IQSEC1: variants seen among roughly 807,000 people sequenced by gnomAD.
IQSEC1 encodes the protein IQ motif and SEC7 domain-containing protein 1.
A neutral mutation model predicts 91.0 loss-of-function variants in IQSEC1; 31 were observed. That is an observed-to-expected ratio of 0.34 (90% CI 0.26 to 0.46). The LOEUF is 0.46. Among genes scored for constraint, IQSEC1 ranks in the 20% least tolerant of loss-of-function variants. The pLI is 1.00. For synonymous variants in IQSEC1, 699 were observed against 662.6 expected (o/e 1.05, Z -0.84); for missense variants, 1,388 against 1,575.6 (o/e 0.88, Z 2.02).
intron 1 of IQSEC1, among the ~76,000 whole-genome samples, chr3:12,989,114 TG>T (rs1456110118): frequency 1.3e-5 from 2 of 152,228 alleles, no homozygotes; most frequent in Admixed American, 1.3e-4. Context: ...CTGGAGCAGA[TG>T]GGTTGATTTT....
intron 1 of IQSEC1, among the ~76,000 whole-genome samples, chr3:12,978,762 C>T (rs1469034334): frequency 6.6e-6 from 1 of 151,896 alleles, no homozygotes; most frequent in Non-Finnish European, 1.5e-5. Context: ...CCACTAAAGC[C>T]ACTAAATGCA....
chr3:13,030,309 C>A (rs140761188), intron 1 of IQSEC1, among the ~76,000 whole-genome samples: 6 of 152,290 alleles, frequency 3.9e-5, no homozygotes, highest in African/African-American at 1.4e-4. Context: ...ATCCGCCAGG[C>A]TGGTCTCGAA....
intron 1 of IQSEC1, among the ~76,000 whole-genome samples, chr3:13,174,196 G>C (rs1260293246): frequency 6.6e-6 from 1 of 152,180 alleles, no homozygotes; most frequent in Non-Finnish European, 1.5e-5. Flanking sequence ...AGCAGGTGAG[G>C]GGACTGGGGG....
chr3:13,149,039 C>T (rs2124954892), intron 2 of IQSEC1, among the ~76,000 whole-genome samples: 1 of 152,368 alleles, frequency 6.6e-6, no homozygotes, highest in Non-Finnish European at 1.5e-5. Flanking sequence ...TCCAATGCTG[C>T]CCCTCACCAC....
intron 1 of IQSEC1, among the ~76,000 whole-genome samples, chr3:13,050,541 AC>A (rs1704656845): frequency 6.6e-6 from 1 of 152,228 alleles, no homozygotes. Flanking sequence ...CATTACATAG[AC>A]TAGTGTATGT....
At chr3:13,029,044 G>C (rs1243749998) in intron 1 of IQSEC1, among the ~76,000 whole-genome samples, 1 of 152,222 alleles carries the variant, frequency 6.6e-6, no homozygotes, top group African/African-American at 2.4e-5. Context: ...GAAACAAATG[G>C]AAGGAGCTAA....
At chr3:13,024,356 TACAC>T (rs1308333484) in intron 1 of IQSEC1, among the ~76,000 whole-genome samples, 67 of 144,860 alleles carry the variant, frequency 4.6e-4, no homozygotes, top group South Asian at 2.3e-4. Flanking sequence ...CACCCGCACA[TACAC>T]CCATCCATCA....
At chr3:13,152,010 G>A (rs1045857503) in intron 2 of IQSEC1, among the ~76,000 whole-genome samples, 3 of 152,048 alleles carry the variant, frequency 2.0e-5, no homozygotes, top group African/African-American at 7.2e-5. Flanking sequence ...CAAAAAAAGA[G>A]AGAGTTCTAT....
intron 1 of IQSEC1, among the ~76,000 whole-genome samples, chr3:12,972,934 G>A (rs2125550115): frequency 6.6e-6 from 1 of 152,320 alleles, no homozygotes; most frequent in Middle Eastern, 3.4e-3. Flanking sequence ...GCACCTCAGG[G>A]AAGCCAGCCC....
At chr3:13,180,565 C>T (rs955863380) in intron 1 of IQSEC1, among the ~76,000 whole-genome samples, 12 of 152,084 alleles carry the variant, frequency 7.9e-5, no homozygotes, top group African/African-American at 1.2e-4. Flanking sequence ...AGTGGCAACC[C>T]GCTGGGGTCC....
chr3:13,109,354 T>G (rs933665873), intron 2 of IQSEC1, among the ~76,000 whole-genome samples: 2 of 152,064 alleles, frequency 1.3e-5, no homozygotes, highest in African/African-American at 4.8e-5. Context: ...TACCAGCCAA[T>G]CTGGGTGGTG....
chr3:12,908,389 G>A lies in IQSEC1; in HGVS notation c.2715C>T (p.Arg905=). 1.2e-6 allele frequency: 2 copies of A among 1,612,578 alleles called. No homozygotes were observed. Among genetic ancestry groups the A allele is most frequent in the Non-Finnish European group, 8.5e-7 (1 of 1,180,024 alleles). ...CCCGCAGGGAGCTGCTGAGGGCGCT[G>A]CGCTTGAGGCCCTCACCGCTGGCAT... ...DSYASGEGLK[R]SALSSSLRDL... Residue 905 remains arginine (R), a synonymous_variant, in exon 12 of 14, where the codon CGC becomes CGT. Transcript: ENST00000613206. The surrounding 1 kb of genome is among the most constrained non-coding windows in gnomAD (Gnocchi z 4.9).
intron 2 of IQSEC1, among the ~76,000 whole-genome samples, chr3:13,119,673 C>A (rs1418892679): frequency 2.0e-5 from 3 of 152,340 alleles, no homozygotes; most frequent in African/African-American, 7.2e-5. Context: ...GGTTTCTGGA[C>A]CCCCAGTGTC....
chr3:13,001,203 C>T (rs954385308), intron 1 of IQSEC1, among the ~76,000 whole-genome samples: 3 of 151,982 alleles, frequency 2.0e-5, no homozygotes, highest in Non-Finnish European at 4.4e-5. Context: ...TCAAGTGATC[C>T]GCCCACCTCA....
At chr3:13,075,358 A>G (rs1705546880), upstream of IQSEC1, among the ~76,000 whole-genome samples, 1 of 152,232 alleles carries the variant, frequency 6.6e-6, no homozygotes, top group Non-Finnish European at 1.5e-5. Context: ...AGGCAGCAGC[A>G]GAGCCCAGAC....
chr3:13,077,035 T>C (rs894704694), upstream of IQSEC1, among the ~76,000 whole-genome samples: 11 of 151,752 alleles, frequency 7.2e-5, no homozygotes, highest in Admixed American at 3.3e-4. Flanking sequence ...TCTTTCTTTT[T>C]TTTTTTTTTT....
chr3:12,900,729 T>G lies in IQSEC1; in HGVS notation c.*254A>C. Reference sequence around the variant, plus strand: ...GGCTGGCTCACCGTTTCAAGGCTGATGGTGTCTGAGGCCCACCCATCCCTC... The same window carrying G: ...GGCTGGCTCACCGTTTCAAGGCTGAGGGTGTCTGAGGCCCACCCATCCCTC... On this transcript the variant is annotated 3_prime_UTR_variant, in exon 14 of 14. Coordinates refer to ENST00000613206, the MANE Select transcript of IQSEC1 (RefSeq NM_001134382.3). The G allele has an allele frequency of 5.0e-6, 7 of 1,392,294 alleles. No homozygotes were observed. Among genetic ancestry groups the G allele is most frequent in the East Asian group, 2.8e-5 (1 of 36,272 alleles). 86.2% of individuals were successfully genotyped at this position (1,392,294 alleles called of 1,614,324 possible). A position where few individuals can be genotyped will look rare whatever the true frequency, so the allele number is the denominator to read the frequency against.
intron 2 of IQSEC1, among the ~76,000 whole-genome samples, chr3:13,085,800 T>A (rs996340396): frequency 6.6e-6 from 1 of 152,232 alleles, no homozygotes; most frequent in Non-Finnish European, 1.5e-5. Context: ...CTGAGGGGCA[T>A]GTGGTTATCG....
chr3:13,168,507 C>T (rs1237876907), intron 1 of IQSEC1, among the ~76,000 whole-genome samples: 1 of 152,172 alleles, frequency 6.6e-6, no homozygotes, highest in South Asian at 2.1e-4. Context: ...AAATCAGGTT[C>T]CTCTACCTTC....
Sources: gnomAD v4.1 joint callset for allele counts (sites outside exome capture counted in the v4.1 genomes callset) on GRCh38, gnomAD v4.1.1 for gene constraint, Gnocchi (gnomAD v3.1) non-coding constraint, MANE v1.5 for transcripts, NCBI Gene and HGNC (gene_info 2026-07-23, HGNC 2026-07-21) for gene names.